ADGRB3: variants seen among roughly 807,000 people sequenced by gnomAD.
The protein encoded by ADGRB3 is brain-specific angiogenesis inhibitor 3.
A neutral mutation model predicts 193.4 loss-of-function variants in ADGRB3; 37 were observed. That is an observed-to-expected ratio of 0.19 (90% confidence interval 0.15 to 0.25). ADGRB3 has a LOEUF of 0.25. Among genes scored for constraint, ADGRB3 ranks in the 10% least tolerant of loss-of-function variants. ADGRB3 has a pLI of 1.00. For missense variants in ADGRB3, 1,637 were observed against 1,852.9 expected (o/e 0.88, Z 2.14); for synonymous variants, 690 against 644.2 (o/e 1.07, Z -1.08).
chr6:69,053,869 A>C (rs1043996314), intron 15 of ADGRB3, among the ~76,000 whole-genome samples: 30 of 152,222 alleles, frequency 2.0e-4, no homozygotes, highest in Admixed American at 1.8e-3. Context: ...CTCTAAGGAA[A>C]TAGAAAAGTA....
chr6:69,192,079 G>A, intron 17 of ADGRB3, among the ~76,000 whole-genome samples: 1 of 152,118 alleles, frequency 6.6e-6, no homozygotes, highest in Non-Finnish European at 1.5e-5. Flanking sequence ...GGAACTAATA[G>A]GATGGAAGTA....
chr6:69,033,455 ATT>A (rs1463926861), intron 13 of ADGRB3, among the ~76,000 whole-genome samples: 6 of 152,198 alleles, frequency 3.9e-5, no homozygotes, highest in Non-Finnish European at 7.4e-5. Flanking sequence ...ATTCTCTGAA[ATT>A]TATAAATGAA....
intron 17 of ADGRB3, among the ~76,000 whole-genome samples, chr6:69,107,945 C>T (rs1363794210): frequency 1.3e-5 from 2 of 151,828 alleles, no homozygotes; most frequent in Non-Finnish European, 2.9e-5. Flanking sequence ...GAGGACTGCG[C>T]TCAGTACCTG....
chr6:69,164,754 G>A (rs932998425), intron 17 of ADGRB3, among the ~76,000 whole-genome samples: 4 of 152,100 alleles, frequency 2.6e-5, no homozygotes, highest in Non-Finnish European at 4.4e-5. Flanking sequence ...GACAGCGTCC[G>A]TGAACTCTGG....
chr6:68,996,659 T>A, intron 11 of ADGRB3, among the ~76,000 whole-genome samples: 1 of 152,176 alleles, frequency 6.6e-6, no homozygotes, highest in African/African-American at 2.4e-5. Context: ...ACCGGCTTCG[T>A]CTATCTCAAT....
At chr6:69,147,211 C>G (rs187495832) in intron 17 of ADGRB3, among the ~76,000 whole-genome samples, 225 of 152,044 alleles carry the variant, frequency 1.5e-3, no homozygotes, top group African/African-American at 5.0e-3. Context: ...TCTAGCTTTT[C>G]TAATTCTTTA....
chr6:68,718,861 A>G (rs1582144704), intron 3 of ADGRB3, among the ~76,000 whole-genome samples: 1 of 151,774 alleles, frequency 6.6e-6, no homozygotes, highest in Non-Finnish European at 1.5e-5. Flanking sequence ...TTATGGGAAC[A>G]CAGCCACGTC....
chr6:68,678,734 T>C (rs2585597), intron 3 of ADGRB3, among the ~76,000 whole-genome samples: 58,026 of 151,988 alleles, frequency 0.38, 11,657 homozygotes, highest in East Asian at 0.6. Flanking sequence ...CTCATATTCA[T>C]GTAATTTCAC....
intron 20 of ADGRB3, among the ~76,000 whole-genome samples, chr6:69,322,298 C>A (rs760044305): frequency 1.8e-4 from 27 of 151,740 alleles, no homozygotes; most frequent in Non-Finnish European, 3.5e-4. Context: ...ATTATGAATA[C>A]TGCTGCCATG....
chr6:68,780,610 T>C (rs1221834907), intron 3 of ADGRB3, among the ~76,000 whole-genome samples: 3 of 152,142 alleles, frequency 2.0e-5, no homozygotes, highest in East Asian at 3.9e-4. Flanking sequence ...CAGTTTCACG[T>C]AGACAGTCCT....
At chr6:68,668,873 A>C (rs1399483268) in intron 3 of ADGRB3, among the ~76,000 whole-genome samples, 1 of 151,666 alleles carries the variant, frequency 6.6e-6, no homozygotes, top group Non-Finnish European at 1.5e-5. Context: ...ACTTCTCCGG[A>C]CTCCCCCAAA....
chr6:69,228,291 C>T (rs975882212), intron 17 of ADGRB3, among the ~76,000 whole-genome samples: 8 of 152,068 alleles, frequency 5.3e-5, no homozygotes, highest in African/African-American at 1.9e-4. Flanking sequence ...ATGAGCTGAA[C>T]ATTTATTATT....
chr6:68,915,572 C>G (rs1766856129), intron 3 of ADGRB3, among the ~76,000 whole-genome samples: 1 of 152,128 alleles, frequency 6.6e-6, no homozygotes, highest in Non-Finnish European at 1.5e-5. Flanking sequence ...GAATTGGGAT[C>G]TAAGTGTTGT....
At chr6:69,184,734 C>T (rs187575638) in intron 17 of ADGRB3, among the ~76,000 whole-genome samples, 1 of 152,088 alleles carries the variant, frequency 6.6e-6, no homozygotes, top group East Asian at 1.9e-4. Context: ...AAAAGAAAAC[C>T]TCCTAAGGGA....
At chr6:68,956,301 ATG>A (rs3831272) in intron 7 of ADGRB3, 113 bp downstream of exon 7, 135,278 of 842,078 alleles carry the variant, frequency 0.16, 10,548 homozygotes, top group Non-Finnish European at 0.18. Flanking sequence ...TTATATATAT[ATG>A]TGTGTGTGTG....
chr6:68,909,937 G>T (rs1382222214), intron 3 of ADGRB3, among the ~76,000 whole-genome samples: 3 of 152,150 alleles, frequency 2.0e-5, no homozygotes, highest in East Asian at 3.9e-4. Context: ...GGGATGGCTG[G>T]GTCAAATGGT....
chr6:68,963,883 T>A (rs1768305106), intron 8 of ADGRB3, among the ~76,000 whole-genome samples: 1 of 152,188 alleles, frequency 6.6e-6, no homozygotes, highest in Non-Finnish European at 1.5e-5. Context: ...TTCCAGCTTA[T>A]TGCAGATGAA....
At chr6:69,234,283 G>A (rs1757694197) in intron 18 of ADGRB3, among the ~76,000 whole-genome samples, 1 of 152,066 alleles carries the variant, frequency 6.6e-6, no homozygotes, top group African/African-American at 2.4e-5. Context: ...AAGTGTCCAA[G>A]GAAAGAAACC....
chr6:68,919,945 T>A (rs1766989553), intron 3 of ADGRB3, among the ~76,000 whole-genome samples: 3 of 152,158 alleles, frequency 2.0e-5, no homozygotes, highest in Admixed American at 1.3e-4. Flanking sequence ...TACCCTTTAT[T>A]AATCAAGAAT....
Sources: allele counts gnomAD v4.1 joint callset (sites outside exome capture counted in the v4.1 genomes callset), GRCh38; gene constraint gnomAD v4.1.1; transcripts MANE v1.5; gene names NCBI Gene and HGNC (gene_info 2026-07-23, HGNC 2026-07-21).